Variants in LY6L observed in about 807,000 individuals in gnomAD.
LY6L encodes the protein lymphocyte antigen 6L.
LY6L carries 8 observed loss-of-function variants against 8.3 expected under a neutral mutation model. The observed-to-expected ratio is 0.97, with a 90% CI of 0.57 to 1.74. LY6L has a LOEUF of 1.74. Among genes scored for constraint, LY6L ranks in the 40% most tolerant of loss-of-function variants. The pLI is 0.00. For synonymous variants in LY6L, 79 were observed against 77.9 expected, an observed-to-expected ratio of 1.01 and a Z score of -0.07; for missense variants, 156 against 183.8, an observed-to-expected ratio of 0.85 and a Z score of 0.87.
Position 143,081,191 on chromosome 8 carries a change from G to A in LY6L, c.74-20G>A, listed in dbSNP as rs934530409. Reference sequence around the variant, plus strand: ...GGAGCTGCGGACGCTGGTCCACAGCGCCCCGCTTGCTGCCCACAGCTCGCA... The same window carrying A: ...GGAGCTGCGGACGCTGGTCCACAGCACCCCGCTTGCTGCCCACAGCTCGCA... On this transcript the variant is annotated intron_variant, in intron 2 of 3. Transcript: ENST00000562505. 20 of 1,526,170 alleles carry A rather than the reference G, an allele frequency of 1.3e-5. No homozygotes were observed. In the African/African-American group the frequency reaches 2.6e-4, roughly 20 times the overall value. 94.5% of individuals were successfully genotyped at this position (1,526,170 alleles called of 1,614,324 possible).
Position 143,082,794 on chromosome 8 carries a change from A to T in LY6L, c.*143A>T. 4 of 690,284 alleles carry T rather than the reference A, an allele frequency of 5.8e-6. No homozygotes were observed. The highest frequency in any genetic ancestry group is 9.1e-6 in the Non-Finnish European group (4 of 441,480). 42.8% of individuals were successfully genotyped at this position (690,284 alleles called of 1,614,324 possible). A position where few individuals can be genotyped will look rare whatever the true frequency, so the allele number is the denominator to read the frequency against. On this transcript the variant is annotated 3_prime_UTR_variant, in exon 4 of 4. Coordinates refer to ENST00000562505, the MANE Select transcript of LY6L (RefSeq NM_001368160.2). ...TGGTGGGGAGGGTGCCATTGCCTCC[A>T]TCCCGGATCTAGCCACCTCACTCCT...
Position 143,081,040 on chromosome 8 carries a change from A to G in LY6L, c.-14A>G. 1 of 1,531,754 alleles carries G rather than the reference A, an allele frequency of 6.5e-7. No individual in the cohort carries two copies. Among genetic ancestry groups the G allele is most frequent in the Non-Finnish European group, 8.7e-7 (1 of 1,143,934 alleles). The allele number at this position is 1,531,754 out of a possible 1,614,324, so 94.9% of individuals were successfully genotyped here. On this transcript the variant is annotated 5_prime_UTR_variant, in exon 2 of 4. Transcript: ENST00000562505. ...CACCCACCTCACCCCACTCAGGCTG[A>G]GCCTTCTGGCGTCATGGAGAGGCTC...
rs1405106037 is a variant in LY6L at position 143,082,756 on chromosome 8, T to G, written c.*105T>G. Reference sequence around the variant, plus strand: ...CTTCCAGGACACTGGGGGGGGACCCTCCCTCTCTGAGGTGGTGGGGAGGGT... The same window carrying G: ...CTTCCAGGACACTGGGGGGGGACCCGCCCTCTCTGAGGTGGTGGGGAGGGT... On this transcript the variant is annotated 3_prime_UTR_variant, in exon 4 of 4. Transcript: ENST00000562505. 1.0e-6 allele frequency: 1 copy of G among 954,772 alleles called. No homozygotes were observed. Among genetic ancestry groups the G allele is most frequent in the African/African-American group, 1.7e-5 (1 of 60,352 alleles). The allele number at this position is 954,772 out of a possible 1,614,324, so 59.1% of individuals were successfully genotyped here.
rs1040021760 is a variant in LY6L at position 143,082,799 on chromosome 8, G to C, written c.*148G>C. On this transcript the variant is annotated 3_prime_UTR_variant, in exon 4 of 4. Transcript: ENST00000562505. Reference sequence around the variant, plus strand: ...GGGAGGGTGCCATTGCCTCCATCCCGGATCTAGCCACCTCACTCCTCCCCA... The same window carrying C: ...GGGAGGGTGCCATTGCCTCCATCCCCGATCTAGCCACCTCACTCCTCCCCA... 26 of 665,138 alleles carry C rather than the reference G, an allele frequency of 3.9e-5. No homozygotes were observed. Among genetic ancestry groups the C allele is most frequent in the Non-Finnish European group, 5.7e-5 (24 of 418,870 alleles). 41.2% of individuals were successfully genotyped at this position (665,138 alleles called of 1,614,324 possible). A position where few individuals can be genotyped will look rare whatever the true frequency, so the allele number is the denominator to read the frequency against.
Position 143,082,511 on chromosome 8 carries a change from A to G in LY6L, c.277A>G (p.Met93Val). ...NMKFEWSPAP[M>V]VQGVITRRCC... is the part of the protein sequence containing the mutation. ...GAAGTTCGAATGGTCGCCGGCCCCC[A>G]TGGTGCAAGGCGTGATCACCAGGCG... The change falls in exon 4 of 4, where the codon ATG becomes GTG. Residue 93 changes from methionine to valine, a missense_variant. Coordinates refer to ENST00000562505, the MANE Select transcript of LY6L (RefSeq NM_001368160.2). 2 of 1,535,398 alleles carry G rather than the reference A, an allele frequency of 1.3e-6. No individual in the cohort carries two copies. Among genetic ancestry groups the G allele is most frequent in the South Asian group, 1.2e-5 (1 of 84,046 alleles).
At chr8:143,081,987 T>G (rs1401129674) in intron 3 of LY6L, among the ~76,000 whole-genome samples, 1 of 152,182 alleles carries the variant, frequency 6.6e-6, no homozygotes, top group Admixed American at 6.5e-5. Context: ...CTGCCATGTC[T>G]TTAAGTGAGC....
chr8:143,080,938 G>T (rs998788117), intron 1 of LY6L, 98 bp from the exon 2 acceptor site: 1 of 855,418 alleles, frequency 1.2e-6, no homozygotes, highest in Non-Finnish European at 1.8e-6. Context: ...GTGTGGGATG[G>T]GGGGTGCGCC....
chr8:143,082,204 G>A (rs951955312), intron 3 of LY6L, among the ~76,000 whole-genome samples: 8 of 152,242 alleles, frequency 5.3e-5, no homozygotes, highest in Admixed American at 1.3e-4. Context: ...TGCCGCGGGC[G>A]GAGGTGGCCT....
intron 1 of LY6L, 113 bp downstream of exon 1, chr8:143,080,772 C>A: frequency 2.2e-6 from 1 of 448,120 alleles, no homozygotes; most frequent in Non-Finnish European, 3.9e-6. Context: ...GGCAGAGGGC[C>A]CAGGGAGAGG....
chr8:143,081,415 G>A (rs193230761), intron 3 of LY6L, 88 bp downstream of exon 3: 2 of 806,162 alleles, frequency 2.5e-6, no homozygotes, highest in South Asian at 3.8e-5. Flanking sequence ...ATGAGTCCTC[G>A]GCGCTCCAGG....
Position 143,082,874 on chromosome 8 carries a change from C to T in LY6L, c.*223C>T, listed in dbSNP as rs756664661. 56 of 515,124 alleles carry T rather than the reference C, an allele frequency of 1.1e-4. No individual in the cohort carries two copies. Among genetic ancestry groups the T allele is most frequent in the Non-Finnish European group, 1.7e-4 (49 of 291,310 alleles). 31.9% of individuals were successfully genotyped at this position (515,124 alleles called of 1,614,324 possible). On this transcript the variant is annotated 3_prime_UTR_variant, in exon 4 of 4. Transcript: ENST00000562505. ...CCCAAGGATTCAGCAACTGCTCCTC[C>T]TGGGGAAGGACAGTGCCTCTGATGT...
chr8:143,081,348 G>A (rs994600415), intron 3 of LY6L, 21 bp downstream of exon 3: 1 of 1,435,470 alleles, frequency 7.0e-7, no homozygotes, highest in African/African-American at 1.4e-5. Context: ...CCCGGGCAGA[G>A]GGCAGGTGCC....
intron 3 of LY6L, among the ~76,000 whole-genome samples, 191 bp downstream of exon 3, chr8:143,081,518 C>A (rs1820431836): frequency 6.6e-6 from 1 of 152,182 alleles, no homozygotes; most frequent in African/African-American, 2.4e-5. Context: ...TGACTTTTTT[C>A]TCCTCCATTT....
chr8:143,082,184 G>C (rs1199000523), intron 3 of LY6L, among the ~76,000 whole-genome samples: 3 of 152,246 alleles, frequency 2.0e-5, no homozygotes, highest in African/African-American at 7.2e-5. Flanking sequence ...CCTGGAGTCT[G>C]TATTTGCTGT....
chr8:143,083,328 C>A lies in LY6L; in HGVS notation c.*677C>A, dbSNP rs1820468626. On this transcript the variant is annotated 3_prime_UTR_variant, in exon 4 of 4. Coordinates refer to ENST00000562505, the MANE Select transcript of LY6L (RefSeq NM_001368160.2). Reference sequence around the variant, plus strand: ...CAGGACCCTTCGAGGGGCAGAAGAACCTGGGTGCGGCCACAGCTGGGGCTC... The same window carrying A: ...CAGGACCCTTCGAGGGGCAGAAGAAACTGGGTGCGGCCACAGCTGGGGCTC... 6.6e-6 allele frequency among the ~76,000 whole-genome samples: 1 copy of A among 152,146 alleles called. No individual in the cohort carries two copies. Among genetic ancestry groups the A allele is most frequent in the African/African-American group, 2.4e-5 (1 of 41,404 alleles).
chr8:143,081,720 G>A (rs552635273), intron 3 of LY6L, among the ~76,000 whole-genome samples: 48 of 152,316 alleles, frequency 3.2e-4, no homozygotes, highest in African/African-American at 1.1e-3. Flanking sequence ...TACAGTGTAT[G>A]ACAATGTCAT....
Position 143,083,302 on chromosome 8 carries a change from C to T in LY6L, c.*651C>T, listed in dbSNP as rs1158582914. On this transcript the variant is annotated 3_prime_UTR_variant, in exon 4 of 4. Coordinates refer to ENST00000562505, the MANE Select transcript of LY6L (RefSeq NM_001368160.2). ...TGAGGCCCCTTGCCCTGAATGCTGT[C>T]CAGGACCCTTCGAGGGGCAGAAGAA... is the stretch of plus-strand genomic sequence containing the variant. Among the ~76,000 whole-genome samples the T allele has an allele frequency of 6.6e-6, 1 of 152,158 alleles. No individual in the cohort carries two copies. Among genetic ancestry groups the T allele is most frequent in the Admixed American group, 6.5e-5 (1 of 15,282 alleles).
intron 1 of LY6L, 133 bp downstream of exon 1, chr8:143,080,792 G>A: frequency 2.1e-6 from 1 of 478,982 alleles, no homozygotes; most frequent in Non-Finnish European, 3.7e-6. Flanking sequence ...GGAATGCGGG[G>A]AAGGGAGGAG....
rs1820425353 is a variant in LY6L, at chr8:143,081,289, A to G, written c.152A>G (p.Asp51Gly). The G allele has an allele frequency of 6.5e-7, 1 of 1,533,304 alleles. No individual in the cohort carries two copies. The highest frequency in any genetic ancestry group is 8.7e-7 in the Non-Finnish European group (1 of 1,145,276). The allele number at this position is 1,533,304 out of a possible 1,614,324, so 95.0% of individuals were successfully genotyped here. A position where few individuals can be genotyped will look rare whatever the true frequency, so the allele number is the denominator to read the frequency against. The change falls in exon 3 of 4, where the codon GAC becomes GGC. Residue 51 changes from aspartate (D) to glycine (G), a missense_variant. By Grantham distance (94) the Asp-to-Gly change is moderately conservative. Transcript: ENST00000562505. ...ECPPTWCSPL[D>G]QVCISNEVVV... ...CCGCCCACCTGGTGCAGCCCGCTGG[A>G]CCAAGTCTGCATCTCCAACGAGGTG... is the stretch of plus-strand genomic sequence containing the variant.
Sources: gnomAD v4.1 joint callset for allele counts (sites outside exome capture counted in the v4.1 genomes callset) on GRCh38, gnomAD v4.1.1 for gene constraint, MANE v1.5 for transcripts, NCBI Gene and HGNC (gene_info 2026-07-23, HGNC 2026-07-21) for gene names.